The following PLEKHA5 variants were observed in gnomAD, a reference collection of about 807,000 sequenced individuals.
PLEKHA5 encodes the protein pleckstrin homology domain containing A5.
PLEKHA5 carries 55 observed loss-of-function variants against 181.9 expected under a neutral mutation model. That is an observed-to-expected ratio of 0.30 (90% confidence interval 0.24 to 0.38). The LOEUF (loss-of-function observed/expected upper bound fraction) is 0.38. Ranked by LOEUF, PLEKHA5 falls within the 10% of genes least tolerant of loss-of-function variation. The pLI, the probability that PLEKHA5 is intolerant of heterozygous loss-of-function variation, is 1.00. For missense variants in PLEKHA5, 1,432 were observed against 1,549.5 expected, an observed-to-expected ratio of 0.92 and a Z score of 1.27; for synonymous variants, 535 against 529.4, an observed-to-expected ratio of 1.01 and a Z score of -0.15.
At chr12:19,143,963 A>G (rs1183388431) in intron 3 of PLEKHA5, among the ~76,000 whole-genome samples, 2 of 152,192 alleles carry the variant, frequency 1.3e-5, no homozygotes, top group Non-Finnish European at 2.9e-5. Flanking sequence ...TAGAATTGGA[A>G]TTGAGAAAAT....
chr12:19,232,074 A>G (rs2060712489), intron 3 of PLEKHA5, among the ~76,000 whole-genome samples: 1 of 152,120 alleles, frequency 6.6e-6, no homozygotes, highest in Non-Finnish European at 1.5e-5. Context: ...TGCTCAAATA[A>G]TTGCTGCTTT....
At chr12:19,266,253 C>G (rs1469267837) in intron 8 of PLEKHA5, among the ~76,000 whole-genome samples, 2 of 151,216 alleles carry the variant, frequency 1.3e-5, no homozygotes, top group African/African-American at 4.9e-5. Flanking sequence ...GTGGGAGGAT[C>G]ACTTGAGTCC....
intron 15 of PLEKHA5, among the ~76,000 whole-genome samples, chr12:19,314,125 C>T (rs1325493985): frequency 2.6e-5 from 4 of 152,056 alleles, no homozygotes; most frequent in African/African-American, 9.7e-5. Flanking sequence ...AAATATTTTT[C>T]TAGAGGCAGT....
intron 3 of PLEKHA5, among the ~76,000 whole-genome samples, chr12:19,172,583 C>T (rs2046165823): frequency 6.6e-6 from 1 of 152,174 alleles, no homozygotes; most frequent in South Asian, 2.1e-4. Context: ...CAGTTATATA[C>T]ATCGCATACC....
chr12:19,336,168 A>T (rs1028635454), intron 20 of PLEKHA5, among the ~76,000 whole-genome samples: 5 of 152,350 alleles, frequency 3.3e-5, no homozygotes, highest in East Asian at 1.9e-4. Context: ...CTATAAGCTT[A>T]TTGTAAGTAA....
intron 15 of PLEKHA5, among the ~76,000 whole-genome samples, chr12:19,292,598 C>T (rs143789363): frequency 5.1e-4 from 77 of 152,226 alleles, no homozygotes; most frequent in African/African-American, 1.7e-3. Context: ...AGCATTACCT[C>T]AGTGGTGGCA....
Position 19,185,459 on chromosome 12 carries a change from A to G in PLEKHA5, c.227+53009A>G, listed in dbSNP as rs564776690. On this transcript the variant is annotated intron_variant, in intron 3 of 31. Coordinates refer to ENST00000429027, the MANE Select transcript of PLEKHA5 (RefSeq NM_001256470.2). ...AGCCTAGAGCTGTCCTCATGGGGCAATAACAGAGAGAAAGACAGAGAGAGG... is the reference window on the plus strand; with the variant it reads ...AGCCTAGAGCTGTCCTCATGGGGCAGTAACAGAGAGAAAGACAGAGAGAGG... Among the ~76,000 whole-genome samples the G allele has an allele frequency of 2.0e-5, 3 of 152,238 alleles. 1 individual carries two copies. Among genetic ancestry groups the G allele is most frequent in the African/African-American group, 4.8e-5 (2 of 41,554 alleles).
chr12:19,138,347 C>T lies in PLEKHA5; in HGVS notation c.227+5897C>T, dbSNP rs201079292. Among the ~76,000 whole-genome samples the T allele has an allele frequency of 5.7e-3, 859 of 151,806 alleles. 6 individuals are homozygous for T. Among genetic ancestry groups the T allele is most frequent in the African/African-American group, 0.02 (824 of 41,396 alleles). ...TAGCACCTTGGGAGGCTGAGGCAGG[C>T]GGATCACTTGAAGTCAGGAGTTTGA... On this transcript the variant is annotated intron_variant, in intron 3 of 31. Transcript: ENST00000429027.
intron 3 of PLEKHA5, among the ~76,000 whole-genome samples, chr12:19,250,886 A>C (rs1297692447): frequency 6.6e-6 from 1 of 152,170 alleles, no homozygotes; most frequent in Non-Finnish European, 1.5e-5. Flanking sequence ...GAAACAAAAA[A>C]CGCAGGGCTT....
At chr12:19,255,307 C>T in intron 5 of PLEKHA5, 142 bp downstream of exon 5, 1 of 473,184 alleles carries the variant, frequency 2.1e-6, no homozygotes, top group Non-Finnish European at 3.4e-6. Context: ...TAAGAAGCAA[C>T]AGCCCGAAAT....
chr12:19,198,593 G>T (rs1347098704), intron 3 of PLEKHA5, among the ~76,000 whole-genome samples: 1 of 152,138 alleles, frequency 6.6e-6, no homozygotes, highest in Non-Finnish European at 1.5e-5. Context: ...CTGCTGTTAT[G>T]TGTAATACAT....
At chr12:19,134,176 T>G (rs2034908035) in intron 3 of PLEKHA5, among the ~76,000 whole-genome samples, 2 of 152,038 alleles carry the variant, frequency 1.3e-5, no homozygotes, top group South Asian at 4.1e-4. Context: ...AGGAAGACAT[T>G]GAGTGAGTTT....
chr12:19,251,757 A>AC (rs1261068445), intron 3 of PLEKHA5, among the ~76,000 whole-genome samples: 3 of 151,464 alleles, frequency 2.0e-5, no homozygotes, highest in Non-Finnish European at 4.4e-5. Context: ...AAAAAAAAAA[A>AC]AAAAAACTTG....
intron 20 of PLEKHA5, 22 bp downstream of exon 20, chr12:19,322,689 C>T: frequency 6.3e-7 from 1 of 1,581,404 alleles, no homozygotes. Flanking sequence ...TTTTTTTTCC[C>T]CTAATAAAAG....
At chr12:19,354,040 ACATCT>A in intron 26 of PLEKHA5, 38 bp downstream of exon 26, 7 of 981,356 alleles carry the variant, frequency 7.1e-6, no homozygotes, top group Non-Finnish European at 1.1e-5. Flanking sequence ...GAAGATTCTC[ACATCT>A]ATTTATTGCT....
chr12:19,141,823 C>T (rs2037435256), intron 3 of PLEKHA5, among the ~76,000 whole-genome samples: 2 of 152,082 alleles, frequency 1.3e-5, no homozygotes, highest in Admixed American at 6.6e-5. Context: ...GGATTCTCTT[C>T]GGTGCTTCTG....
chr12:19,268,940 G>A (rs2071537068), intron 8 of PLEKHA5, among the ~76,000 whole-genome samples: 1 of 152,154 alleles, frequency 6.6e-6, no homozygotes, highest in South Asian at 2.1e-4. Flanking sequence ...TTTGGGTGTA[G>A]ATACCTATAA....
intron 15 of PLEKHA5, among the ~76,000 whole-genome samples, chr12:19,297,504 C>T (rs2152887696): frequency 6.6e-6 from 1 of 150,892 alleles, no homozygotes; most frequent in East Asian, 2.0e-4. Context: ...CGCCTGTAGT[C>T]CCAGCTACTG....
chr12:19,151,782 G>A (rs2040440746), intron 3 of PLEKHA5: 3 of 150,774 alleles, frequency 2.0e-5, no homozygotes, highest in Admixed American at 2.0e-4. Flanking sequence ...AAAATTCAAA[G>A]ATCTAAGCCT....
Sources: allele counts gnomAD v4.1 joint callset (sites outside exome capture counted in the v4.1 genomes callset), GRCh38; gene constraint gnomAD v4.1.1; transcripts MANE v1.5; gene names NCBI Gene and HGNC (gene_info 2026-07-23, HGNC 2026-07-21).